The following ST6GAL2 variants were observed in gnomAD, a reference collection of about 807,000 sequenced individuals.
The protein encoded by ST6GAL2 is ST6 beta-galactoside alpha-2,6-sialyltransferase 2.
A neutral mutation model predicts 37.5 loss-of-function variants in ST6GAL2; 24 were observed. The ratio of observed to expected loss-of-function variants is 0.64; its 90% confidence interval spans 0.46 to 0.90. The LOEUF (loss-of-function observed/expected upper bound fraction) is 0.90. ST6GAL2 is among the 40% of genes least tolerant of loss of function. The probability of loss-of-function intolerance (pLI) is 0.00; values close to 1 mark genes in which losing one functional copy is unlikely to be tolerated. For missense variants in ST6GAL2, 715 were observed against 712.7 expected (o/e 1.00, Z -0.04); for synonymous variants, 306 against 295.1 (o/e 1.04, Z -0.38).
intron 1 of ST6GAL2, among the ~76,000 whole-genome samples, chr2:106,880,676 C>T (rs1218420292): frequency 6.6e-6 from 1 of 152,204 alleles, no homozygotes; most frequent in East Asian, 1.9e-4. Context: ...TGGTTTCTCA[C>T]AAGCCATGTA....
At chr2:106,852,001 T>C (rs1157889997) in intron 1 of ST6GAL2, among the ~76,000 whole-genome samples, 1 of 152,224 alleles carries the variant, frequency 6.6e-6, no homozygotes, top group Non-Finnish European at 1.5e-5. Context: ...GGAATTCTTT[T>C]ATCTCTTAAC....
chr2:106,836,734 C>T (rs2104490994), intron 2 of ST6GAL2, among the ~76,000 whole-genome samples: 1 of 143,124 alleles, frequency 7.0e-6, no homozygotes. Flanking sequence ...TCGAGACCAG[C>T]CTGACCACCA....
intron 1 of ST6GAL2, among the ~76,000 whole-genome samples, chr2:106,874,470 G>T (rs934317845): frequency 3.9e-5 from 6 of 152,046 alleles, no homozygotes; most frequent in Non-Finnish European, 7.4e-5. Context: ...GGCAGTGTTC[G>T]GTATGCAATG....
At chr2:106,862,421 T>C (rs1677839287) in intron 1 of ST6GAL2, among the ~76,000 whole-genome samples, 1 of 152,226 alleles carries the variant, frequency 6.6e-6, no homozygotes, top group Non-Finnish European at 1.5e-5. Context: ...AAACAAACAC[T>C]GAATTCATCA....
At chr2:106,829,806 CT>C (rs1344080447) in intron 5 of ST6GAL2, among the ~76,000 whole-genome samples, 2 of 151,860 alleles carry the variant, frequency 1.3e-5, no homozygotes, top group Non-Finnish European at 2.9e-5. Context: ...AAATCCAAAA[CT>C]TTTTGTGTGC....
intron 2 of ST6GAL2, among the ~76,000 whole-genome samples, chr2:106,839,027 C>T (rs1676761968): frequency 6.6e-6 from 1 of 151,634 alleles, no homozygotes; most frequent in African/African-American, 2.4e-5. Flanking sequence ...CAGCGGGAGA[C>T]TCCATCTCAA....
intron 1 of ST6GAL2, among the ~76,000 whole-genome samples, chr2:106,873,112 C>T (rs1027397013): frequency 2.6e-5 from 4 of 152,188 alleles, no homozygotes; most frequent in Admixed American, 2.0e-4. Flanking sequence ...ATTCTAATGA[C>T]CCCAAATGCT....
At chr2:106,862,081 A>G (rs950001893) in intron 1 of ST6GAL2, among the ~76,000 whole-genome samples, 1 of 152,244 alleles carries the variant, frequency 6.6e-6, no homozygotes, top group African/African-American at 2.4e-5. Flanking sequence ...TCAATCATTT[A>G]TTCACTCAAC....
intron 1 of ST6GAL2, among the ~76,000 whole-genome samples, chr2:106,869,239 G>A (rs1678161358): frequency 6.6e-6 from 1 of 152,112 alleles, no homozygotes; most frequent in Non-Finnish European, 1.5e-5. Context: ...TTGGAGGGGA[G>A]GGGCACCTTT....
At chr2:106,815,830 A>C (rs555136120) in intron 5 of ST6GAL2, among the ~76,000 whole-genome samples, 4 of 152,336 alleles carry the variant, frequency 2.6e-5, no homozygotes, top group African/African-American at 9.6e-5. Flanking sequence ...ATAAAGTGAC[A>C]GGCCAGGAGG....
chr2:106,841,546 C>A (rs949904798), intron 2 of ST6GAL2, among the ~76,000 whole-genome samples: 5 of 152,124 alleles, frequency 3.3e-5, no homozygotes, highest in Non-Finnish European at 5.9e-5. Context: ...GCCTAAAGGG[C>A]CAAGCTGCTT....
In ST6GAL2 at chr2:106,849,483, G is replaced by A. The variant is rs115096508; in HGVS notation, c.-57-5449C>T. ...CACGTGACAGTTAGAAGACCCTGAAGGAAATCAAAATATTTTACCCCAAAA... is the reference window on the plus strand; with the variant it reads ...CACGTGACAGTTAGAAGACCCTGAAAGAAATCAAAATATTTTACCCCAAAA... On this transcript the variant is annotated intron_variant, in intron 1 of 5. Coordinates refer to ENST00000409382, the MANE Select transcript of ST6GAL2 (RefSeq NM_001142351.2). 6.9e-3 allele frequency among the ~76,000 whole-genome samples: 1,054 copies of A among 152,162 alleles called. 3 individuals are homozygous for A. Among genetic ancestry groups the A allele is most frequent in the Non-Finnish European group, 0.011 (739 of 68,022 alleles).
At chr2:106,884,384 C>A (rs1423785494) in intron 1 of ST6GAL2, among the ~76,000 whole-genome samples, 1 of 152,126 alleles carries the variant, frequency 6.6e-6, no homozygotes, top group Non-Finnish European at 1.5e-5. Context: ...GTCTAAAAAT[C>A]CTGAATTTTG....
At chr2:106,817,387 A>C (rs1008609951) in intron 5 of ST6GAL2, among the ~76,000 whole-genome samples, 2 of 152,242 alleles carry the variant, frequency 1.3e-5, no homozygotes, top group African/African-American at 2.4e-5. Flanking sequence ...GCTCAGCCAC[A>C]GTAGGATAGG....
chr2:106,885,646 A>C (rs1678950496), intron 1 of ST6GAL2, among the ~76,000 whole-genome samples: 1 of 152,100 alleles, frequency 6.6e-6, no homozygotes, highest in Non-Finnish European at 1.5e-5. Flanking sequence ...AAGTAAACCC[A>C]AAAGCGGAGT....
intron 1 of ST6GAL2, among the ~76,000 whole-genome samples, chr2:106,867,916 T>G (rs888725690): frequency 1.3e-5 from 2 of 152,166 alleles, no homozygotes; most frequent in African/African-American, 4.8e-5. Context: ...CAAAAGCCAC[T>G]GTCTGGGTTG....
At chr2:106,818,650 C>T (rs772175283) in intron 5 of ST6GAL2, among the ~76,000 whole-genome samples, 1 of 152,090 alleles carries the variant, frequency 6.6e-6, no homozygotes, top group Non-Finnish European at 1.5e-5. Flanking sequence ...GTGAAGACTA[C>T]AATAATACCT....
chr2:106,880,583 A>G (rs1168213139), intron 1 of ST6GAL2, among the ~76,000 whole-genome samples: 1 of 152,204 alleles, frequency 6.6e-6, no homozygotes, highest in East Asian at 1.9e-4. Flanking sequence ...ACATTCACAT[A>G]TATGTACACA....
rs776213215 is a variant in ST6GAL2, at chr2:106,843,035, C to T, written c.943G>A (p.Asp315Asn). The change falls in exon 2 of 6, where the codon GAT becomes AAT. Residue 315 changes from aspartate to asparagine, a missense_variant and splice_region_variant. Asp to Asn is a conservative substitution (Grantham distance 23). This residue lies in a region of ST6GAL2 where 512 missense variants were observed against 488.8 expected (regional missense o/e 1.05). Coordinates refer to ENST00000409382, the MANE Select transcript of ST6GAL2 (RefSeq NM_001142351.2). ...ILNSSLGEEI[D>N]SHDAVLRFNS... ...ACCTGGTCCCCCCGCTGAGACCTAC[C>T]TATTTCCTCGCCCAAGGAAGAGTTG... is the stretch of plus-strand genomic sequence containing the variant. 8 of 1,415,916 alleles carry T rather than the reference C, an allele frequency of 5.7e-6. No individual in the cohort carries two copies. Among genetic ancestry groups the T allele is most frequent in the Non-Finnish European group, 7.4e-6 (8 of 1,082,440 alleles). 87.7% of individuals were successfully genotyped at this position (1,415,916 alleles called of 1,614,324 possible).
Sources: gnomAD v4.1 joint callset for allele counts (sites outside exome capture counted in the v4.1 genomes callset) on GRCh38, gnomAD v4.1.1 for gene constraint, gnomAD v4.1.1 regional missense constraint, MANE v1.5 for transcripts, NCBI Gene and HGNC (gene_info 2026-07-23, HGNC 2026-07-21) for gene names.